Variants in ASTN2 observed in about 807,000 individuals in gnomAD.
ASTN2 encodes astrotactin-2.
A neutral mutation model predicts 139.8 loss-of-function variants in ASTN2; 54 were observed. The ratio of observed to expected loss-of-function variants is 0.39; its 90% confidence interval spans 0.31 to 0.48. The LOEUF is 0.48. Among genes scored for constraint, ASTN2 ranks in the 20% least tolerant of loss-of-function variants. ASTN2 has a pLI of 0.95. For synonymous variants in ASTN2, 756 were observed against 719.5 expected, an observed-to-expected ratio of 1.05 and a Z score of -0.81; for missense variants, 1,565 against 1,725.1, an observed-to-expected ratio of 0.91 and a Z score of 1.64.
intron 2 of ASTN2, among the ~76,000 whole-genome samples, chr9:117,239,939 A>G (rs1001876713): frequency 2.0e-4 from 30 of 152,222 alleles, no homozygotes; most frequent in African/African-American, 6.0e-4. Flanking sequence ...ACACTATGAG[A>G]TAAGCATTCC....
chr9:117,004,262 G>C (rs1257137867), intron 7 of ASTN2, among the ~76,000 whole-genome samples: 1 of 151,946 alleles, frequency 6.6e-6, no homozygotes. Flanking sequence ...TGGGACTATG[G>C]GCATGTGTCA....
At chr9:117,174,151 AT>A (rs1830861735) in intron 3 of ASTN2, among the ~76,000 whole-genome samples, 1 of 151,816 alleles carries the variant, frequency 6.6e-6, no homozygotes, top group African/African-American at 2.4e-5. Context: ...AGATAGATAG[AT>A]AGATAGATAG....
At chr9:116,754,143 T>C (rs576045383) in intron 13 of ASTN2, among the ~76,000 whole-genome samples, 1 of 152,302 alleles carries the variant, frequency 6.6e-6, no homozygotes, top group East Asian at 1.9e-4. Context: ...ACATAACTCA[T>C]CTTTTTTTAT....
chr9:117,107,553 T>C lies in ASTN2; in HGVS notation c.1169-11402A>G, dbSNP rs569568344. Among the ~76,000 whole-genome samples, 3 of 152,360 alleles carry C rather than the reference T, an allele frequency of 2.0e-5. No homozygotes were observed. The South Asian group carries it at 6.2e-4, about 32-fold the overall frequency. On this transcript the variant is annotated intron_variant, in intron 4 of 22. Transcript: ENST00000313400. ...TCAAATTCATTCTGCCGTATCCTTTTTAAAATAGTTCAATTTTCTCACATT... is the reference window on the plus strand; with the variant it reads ...TCAAATTCATTCTGCCGTATCCTTTCTAAAATAGTTCAATTTTCTCACATT...
intron 10 of ASTN2, among the ~76,000 whole-genome samples, chr9:116,878,897 G>A (rs4837967): frequency 0.35 from 52,260 of 150,846 alleles, 9,770 homozygotes; most frequent in East Asian, 0.53. Flanking sequence ...AAACAGAAGA[G>A]GCTCATTAAG....
chr9:117,086,071 T>C (rs902715642), intron 5 of ASTN2, among the ~76,000 whole-genome samples: 3 of 152,184 alleles, frequency 2.0e-5, no homozygotes, highest in Admixed American at 6.5e-5. Flanking sequence ...CAGAACAGCA[T>C]AGAGATAATT....
At chr9:116,642,731 A>T (rs1190213556) in intron 17 of ASTN2, among the ~76,000 whole-genome samples, 1 of 152,156 alleles carries the variant, frequency 6.6e-6, no homozygotes, top group Non-Finnish European at 1.5e-5. Context: ...CCTTGCCATA[A>T]AATCAGTCCT....
At chr9:117,025,850 C>T (rs1251324191) in intron 6 of ASTN2, among the ~76,000 whole-genome samples, 2 of 148,636 alleles carry the variant, frequency 1.3e-5, no homozygotes, top group Admixed American at 6.8e-5. Context: ...GGAGTGCAGT[C>T]GCGTGATCTT....
chr9:117,327,958 C>A (rs998930237), intron 1 of ASTN2, among the ~76,000 whole-genome samples: 1 of 152,122 alleles, frequency 6.6e-6, no homozygotes, highest in African/African-American at 2.4e-5. Context: ...ACTGTTTGTT[C>A]TATCTAATTT....
intron 3 of ASTN2, among the ~76,000 whole-genome samples, chr9:117,148,900 G>T (rs113749593): frequency 6.6e-6 from 1 of 152,000 alleles, no homozygotes; most frequent in Non-Finnish European, 1.5e-5. Context: ...GACTTGAGCC[G>T]CAATATCAAC....
intron 7 of ASTN2, among the ~76,000 whole-genome samples, chr9:116,990,883 A>G (rs1331338882): frequency 6.6e-6 from 1 of 152,184 alleles, no homozygotes; most frequent in Non-Finnish European, 1.5e-5. Context: ...ACTTCTGGCC[A>G]TTGGAGAGTG....
intron 6 of ASTN2, among the ~76,000 whole-genome samples, chr9:117,019,049 A>T (rs559584113): frequency 1.3e-5 from 2 of 152,124 alleles, no homozygotes; most frequent in African/African-American, 4.8e-5. Flanking sequence ...ACCTATCCAC[A>T]TCACTAAGAT....
intron 13 of ASTN2, among the ~76,000 whole-genome samples, chr9:116,770,063 C>T (rs974445804): frequency 3.4e-5 from 5 of 146,620 alleles, no homozygotes; most frequent in South Asian, 2.2e-4. Flanking sequence ...CATAAGAATA[C>T]TGAGGTTAAA....
intron 1 of ASTN2, among the ~76,000 whole-genome samples, chr9:117,374,032 A>G (rs1830056525): frequency 6.6e-6 from 1 of 152,194 alleles, no homozygotes; most frequent in African/African-American, 2.4e-5. Flanking sequence ...GGAAAAATAC[A>G]TGAAATAGAA....
At chr9:117,180,869 G>A (rs1342475941) in intron 3 of ASTN2, 5 of 1,578,324 alleles carry the variant, frequency 3.2e-6, no homozygotes, top group Non-Finnish European at 4.3e-6. Context: ...TGGTGGCCAG[G>A]AAACTTGAAC....
At chr9:116,524,284 G>A (rs940886817) in intron 19 of ASTN2, among the ~76,000 whole-genome samples, 1 of 152,112 alleles carries the variant, frequency 6.6e-6, no homozygotes, top group East Asian at 1.9e-4. Context: ...TTACCTAATA[G>A]GTGCTACGTG....
intron 5 of ASTN2, among the ~76,000 whole-genome samples, chr9:117,080,996 A>G (rs1023784236): frequency 6.6e-6 from 1 of 152,208 alleles, no homozygotes; most frequent in African/African-American, 2.4e-5. Flanking sequence ...AAAGCTCTCC[A>G]GCATTTTAGC....
intron 2 of ASTN2, among the ~76,000 whole-genome samples, chr9:117,259,731 T>C (rs763369203): frequency 6.6e-6 from 1 of 152,210 alleles, no homozygotes; most frequent in Non-Finnish European, 1.5e-5. Context: ...TATTGATTGA[T>C]GTATTATGTC....
chr9:116,530,157 G>C (rs1266439583), intron 19 of ASTN2, among the ~76,000 whole-genome samples: 2 of 98,504 alleles, frequency 2.0e-5, no homozygotes, highest in African/African-American at 7.3e-5. Context: ...ATATAAAATA[G>C]AATATTATTA....
Sources: gnomAD v4.1 joint callset for allele counts (sites outside exome capture counted in the v4.1 genomes callset) on GRCh38, gnomAD v4.1.1 for gene constraint, MANE v1.5 for transcripts, NCBI Gene and HGNC (gene_info 2026-07-23, HGNC 2026-07-21) for gene names.